The following DPP6 variants were observed in gnomAD, a reference collection of about 807,000 sequenced individuals.
DPP6 encodes dipeptidyl peptidase like 6.
In DPP6, 69 loss-of-function variants were observed where a neutral mutation model predicts 122.6. That is an observed-to-expected ratio of 0.56 (90% CI 0.46 to 0.69). The LOEUF is 0.69. Ranked by LOEUF, DPP6 falls within the 30% of genes least tolerant of loss-of-function variation. The pLI, the probability that DPP6 is intolerant of heterozygous loss-of-function variation, is 0.00. For missense variants in DPP6, 928 were observed against 1,116.9 expected (o/e 0.83, Z 2.41); for synonymous variants, 418 against 433.1 (o/e 0.97, Z 0.43).
Position 154,807,088 on chromosome 7 carries a change from G to A in DPP6, c.1642G>A (p.Asp548Asn), listed in dbSNP as rs1371702480. The change falls in exon 16 of 26, where the codon GAC becomes AAC. Residue 548 changes from aspartate (D) to asparagine (N), a missense_variant. Physicochemically the swap from Asp to Asn is conservative, Grantham distance 23. Coordinates refer to ENST00000377770, the MANE Select transcript of DPP6 (RefSeq NM_130797.4). ...YFSASFSHSM[D>N]FFLLKCEGPG... ...CAGCGCTTCCTTCAGCCATAGCATGGACTTCTTCCTGCTCAAGTGCGAAGG... is the reference window on the plus strand; with the variant it reads ...CAGCGCTTCCTTCAGCCATAGCATGAACTTCTTCCTGCTCAAGTGCGAAGG... The A allele has an allele frequency of 6.2e-7, 1 of 1,613,584 alleles. No homozygotes were observed. Among genetic ancestry groups the A allele is most frequent in the South Asian group, 1.1e-5 (1 of 91,072 alleles).
At chr7:154,837,282 GGCACATTCACATGCATGC>G (rs1197691985) in intron 16 of DPP6, among the ~76,000 whole-genome samples, 1 of 147,322 alleles carries the variant, frequency 6.8e-6, no homozygotes, top group Non-Finnish European at 1.5e-5. Flanking sequence ...CACGCATGCA[GGCACATTCACATGCATGC>G]ACACATGCAC....
At chr7:154,267,985 ATATT>A (rs1803549651) in intron 1 of DPP6, among the ~76,000 whole-genome samples, 1 of 151,792 alleles carries the variant, frequency 6.6e-6, no homozygotes, top group Non-Finnish European at 1.5e-5. Context: ...GCGCACATAC[ATATT>A]TATGTGCATG....
chr7:153,883,419 G>T (rs1798810245), upstream of DPP6, among the ~76,000 whole-genome samples: 2 of 149,068 alleles, frequency 1.3e-5, no homozygotes, highest in African/African-American at 2.5e-5. Context: ...TTTCGCTCTT[G>T]TTGCCCAGGC....
At chr7:154,800,363 T>C (rs554638269) in intron 12 of DPP6, among the ~76,000 whole-genome samples, 2 of 152,324 alleles carry the variant, frequency 1.3e-5, no homozygotes, top group South Asian at 2.1e-4. Flanking sequence ...TATTTACCAT[T>C]AGTTCTCATC....
chr7:153,806,131 T>TA, the DPP6 span, among the ~76,000 whole-genome samples: 2 of 151,916 alleles, frequency 1.3e-5, no homozygotes, highest in South Asian at 4.2e-4. Context: ...ATCAGAACAT[T>TA]AAGGTGCCTT....
upstream of DPP6, among the ~76,000 whole-genome samples, chr7:153,886,813 G>A (rs1584982111): frequency 6.6e-6 from 1 of 152,144 alleles, no homozygotes; most frequent in East Asian, 1.9e-4. Flanking sequence ...CCAGACTTGC[G>A]GGCGACGGGC....
chr7:154,185,475 G>A (rs1563291289), intron 1 of DPP6, among the ~76,000 whole-genome samples: 1 of 152,148 alleles, frequency 6.6e-6, no homozygotes, highest in Non-Finnish European at 1.5e-5. Context: ...AGAAAGGAAT[G>A]GATGATCCTG....
rs1038832243 is a variant in DPP6 at position 154,833,550 on chromosome 7, G to A, written c.1667-20230G>A. ...AGAGCAGGACCTGTTGCTGGTAGAC[G>A]GTGGTGATGCTGGAGGGGATGCTGA... On this transcript the variant is annotated intron_variant, in intron 16 of 25. Coordinates refer to ENST00000377770, the MANE Select transcript of DPP6 (RefSeq NM_130797.4). The surrounding 1 kb of genome is among the most constrained non-coding windows in gnomAD (Gnocchi z 4.3). Among the ~76,000 whole-genome samples, 3 of 152,128 alleles carry A rather than the reference G, an allele frequency of 2.0e-5. No individual in the cohort carries two copies. The highest frequency in any genetic ancestry group is 2.1e-4 in the South Asian group (1 of 4,824).
intron 10 of DPP6, among the ~76,000 whole-genome samples, chr7:154,775,666 C>T (rs1020788952): frequency 6.6e-6 from 1 of 152,078 alleles, no homozygotes; most frequent in Admixed American, 6.5e-5. Flanking sequence ...TGCCGGGTTA[C>T]TCAGCCATCC....
chr7:154,582,976 C>A (rs922599572), intron 5 of DPP6, among the ~76,000 whole-genome samples: 2 of 152,204 alleles, frequency 1.3e-5, no homozygotes, highest in Non-Finnish European at 2.9e-5. Flanking sequence ...AAGGTTTCTG[C>A]AGTGCCAGGG....
intron 1 of DPP6, among the ~76,000 whole-genome samples, chr7:154,027,297 C>G (rs1301282905): frequency 1.3e-5 from 2 of 152,134 alleles, no homozygotes; most frequent in African/African-American, 2.4e-5. Flanking sequence ...TTCACTGTTT[C>G]TAAACATTTT....
At chr7:154,556,639 G>A (rs989193734) in intron 4 of DPP6, among the ~76,000 whole-genome samples, 2 of 152,020 alleles carry the variant, frequency 1.3e-5, no homozygotes, top group Non-Finnish European at 2.9e-5. Flanking sequence ...AAATCCTGAA[G>A]CTATAAAAGA....
In DPP6 at chr7:154,486,082, G is replaced by A. The variant is rs527342807; in HGVS notation, c.457+11045G>A. 6.6e-6 allele frequency among the ~76,000 whole-genome samples: 1 copy of A among 151,734 alleles called. No homozygotes were observed. Among genetic ancestry groups the A allele is most frequent in the Non-Finnish European group, 1.5e-5 (1 of 67,972 alleles). ...GCTTTAGAGAATCCAGGGTGTTCCT[G>A]CCTCAGTGTACCTTGCCTCCCCGGT... On this transcript the variant is annotated intron_variant, in intron 3 of 25. Transcript: ENST00000377770. This position sits in a 1 kb window ranked among gnomAD's most constrained non-coding sequence, Gnocchi z 4.5.
Position 154,755,591 on chromosome 7 carries a change from C to T in DPP6, c.884-13826C>T, listed in dbSNP as rs1007292955. Among the ~76,000 whole-genome samples the T allele has an allele frequency of 2.0e-5, 3 of 152,144 alleles. No homozygotes were observed. Among genetic ancestry groups the T allele is most frequent in the African/African-American group, 4.8e-5 (2 of 41,416 alleles). On this transcript the variant is annotated intron_variant, in intron 8 of 25. Coordinates refer to ENST00000377770, the MANE Select transcript of DPP6 (RefSeq NM_130797.4). This position sits in a 1 kb window ranked among gnomAD's most constrained non-coding sequence, Gnocchi z 4.7. ...ATCTACGCAGTTAGAGCCGGCTTGG[C>T]GTGTGCTGGGTGCTCACCGACTGCT...
chr7:153,841,206 G>T, the DPP6 span, among the ~76,000 whole-genome samples: 1 of 152,188 alleles, frequency 6.6e-6, no homozygotes, highest in Non-Finnish European at 1.5e-5. Flanking sequence ...TTGGAGAAAT[G>T]AATTCCCAGG....
chr7:153,807,689 A>G, the DPP6 span, among the ~76,000 whole-genome samples: 1 of 151,792 alleles, frequency 6.6e-6, no homozygotes, highest in Non-Finnish European at 1.5e-5. Flanking sequence ...GAGACTGAGC[A>G]TGGGTTCCAA....
chr7:154,459,069 A>G (rs923451270), intron 2 of DPP6, among the ~76,000 whole-genome samples: 2 of 152,220 alleles, frequency 1.3e-5, no homozygotes, highest in South Asian at 2.1e-4. Flanking sequence ...CATACATTCA[A>G]TTAAACAGAT....
At chr7:153,962,996 A>T (rs1463584126) in intron 1 of DPP6, among the ~76,000 whole-genome samples, 2 of 152,128 alleles carry the variant, frequency 1.3e-5, no homozygotes, top group Non-Finnish European at 2.9e-5. Flanking sequence ...TGACTCTCCT[A>T]CGAAGACTAA....
intron 16 of DPP6, among the ~76,000 whole-genome samples, chr7:154,822,226 G>GC (rs1799841220): frequency 6.6e-6 from 1 of 152,092 alleles, no homozygotes; most frequent in Non-Finnish European, 1.5e-5. Context: ...CATCCATCCT[G>GC]GCAGCTGTAA....
Sources: gnomAD v4.1 joint callset for allele counts (sites outside exome capture counted in the v4.1 genomes callset) on GRCh38, gnomAD v4.1.1 for gene constraint, Gnocchi (gnomAD v3.1) non-coding constraint, MANE v1.5 for transcripts, NCBI Gene and HGNC (gene_info 2026-07-23, HGNC 2026-07-21) for gene names.